The following IQCE variants were observed in gnomAD, a reference collection of about 807,000 sequenced individuals.
The protein encoded by IQCE is IQ motif containing E, also known as IQ domain-containing protein E.
IQCE carries 115 observed loss-of-function variants against 96.0 expected under a neutral mutation model. The observed-to-expected ratio is 1.20, with a 90% CI of 1.03 to 1.40. The LOEUF (loss-of-function observed/expected upper bound fraction) is 1.40. Among genes scored for constraint, IQCE ranks in the 40% most tolerant of loss-of-function variants. The pLI is 0.00. For missense variants in IQCE, 1,041 were observed against 909.1 expected, an observed-to-expected ratio of 1.15 and a Z score of -1.87; for synonymous variants, 412 against 371.2, an observed-to-expected ratio of 1.11 and a Z score of -1.26.
At chr7:2,585,363 T>C (rs1783015149) in intron 11 of IQCE, among the ~76,000 whole-genome samples, 1 of 152,204 alleles carries the variant, frequency 6.6e-6, no homozygotes, top group Admixed American at 6.5e-5. Flanking sequence ...CATCAGCTAG[T>C]CAATGTATAA....
At chr7:2,588,503 A>G (rs1293474716) in intron 13 of IQCE, among the ~76,000 whole-genome samples, 1 of 150,858 alleles carries the variant, frequency 6.6e-6, no homozygotes, top group African/African-American at 2.4e-5. Context: ...ACAGGTGCCC[A>G]CCACCACACC....
chr7:2,611,438 C>T lies in IQCE; in HGVS notation c.*1276C>T, dbSNP rs1785101470. The T allele has an allele frequency of 6.6e-6, 1 of 152,276 alleles. No individual in the cohort carries two copies. The highest frequency in any genetic ancestry group is 1.5e-5 in the Non-Finnish European group (1 of 68,082). 9.4% of individuals were successfully genotyped at this position (152,276 alleles called of 1,614,324 possible). A position where few individuals can be genotyped will look rare whatever the true frequency, so the allele number is the denominator to read the frequency against. ...AAGCCCCTTTTTACACAGCTGACAG[C>T]TTCTCCCAAGGCTTCCGTCCACGGG... is the stretch of plus-strand genomic sequence containing the variant. On this transcript the variant is annotated 3_prime_UTR_variant, in exon 22 of 22. Coordinates refer to ENST00000402050, the MANE Select transcript of IQCE (RefSeq NM_152558.5).
intron 9 of IQCE, among the ~76,000 whole-genome samples, chr7:2,582,956 C>T (rs750201694): frequency 2.0e-5 from 3 of 152,082 alleles, no homozygotes; most frequent in Admixed American, 1.3e-4. Flanking sequence ...CTGTTTTTGG[C>T]GTGGCTACTC....
At position 2,612,715 on chromosome 7, in the gene IQCE, G is replaced by A. The variant is rs1785155965; in HGVS notation, c.*2553G>A. 2.6e-5 allele frequency: 4 copies of A among 152,556 alleles called. No homozygotes were observed. In the South Asian group the frequency reaches 7.9e-4, roughly 30 times the overall value. The allele number at this position is 152,556 out of a possible 1,614,324, so 9.5% of individuals were successfully genotyped here. ...CTGTGGGCGGGGCCTAGTCACGGGA[G>A]AGGTGAGCTGTGGGCGGGGCCTAGT... On this transcript the variant is annotated 3_prime_UTR_variant, in exon 22 of 22. Transcript: ENST00000402050.
At chr7:2,584,509 A>C in intron 11 of IQCE, 1 of 558,374 alleles carries the variant, frequency 1.8e-6, no homozygotes, top group Non-Finnish European at 3.3e-6. Context: ...ACGCGTGTTC[A>C]ATGCCGCCCG....
intron 16 of IQCE, among the ~76,000 whole-genome samples, chr7:2,597,761 G>A (rs1014986670): frequency 1.3e-5 from 2 of 152,152 alleles, no homozygotes; most frequent in Non-Finnish European, 2.9e-5. Flanking sequence ...TTGACCCCTG[G>A]GCTCAAGCGA....
intron 21 of IQCE, 40 bp downstream of exon 21, chr7:2,607,267 G>A: frequency 1.9e-6 from 3 of 1,612,656 alleles, no homozygotes; most frequent in Non-Finnish European, 2.5e-6. Context: ...AGGGCAGCTG[G>A]TCTGCTGAGG....
intron 14 of IQCE, among the ~76,000 whole-genome samples, chr7:2,592,803 A>T (rs1199136376): frequency 6.6e-6 from 1 of 152,116 alleles, no homozygotes; most frequent in Non-Finnish European, 1.5e-5. Context: ...AGTCCGGTTG[A>T]TCCCCTGCAC....
intron 21 of IQCE, chr7:2,607,443 G>A (rs1784920578): frequency 2.3e-6 from 3 of 1,332,448 alleles, no homozygotes; most frequent in South Asian, 1.9e-5. Flanking sequence ...TGGAATTGCC[G>A]AGGTCCTTGC....
At chr7:2,607,708 CTTCATGTTTAAAG>C (rs1037922331) in intron 21 of IQCE, 13 of 277,058 alleles carry the variant, frequency 4.7e-5, no homozygotes, top group Non-Finnish European at 7.0e-5. Flanking sequence ...CCGTCAGTCC[CTTCATGTTTAAAG>C]TAGAGAACGG....
In IQCE at chr7:2,578,538, G is replaced by T. The variant is rs756205431; in HGVS notation, c.630+12G>T. The T allele has an allele frequency of 5.6e-6, 9 of 1,614,094 alleles. No individual in the cohort carries two copies. The highest frequency in any genetic ancestry group is 7.6e-6 in the Non-Finnish European group (9 of 1,179,942). On this transcript the variant is annotated intron_variant, in intron 8 of 21. Transcript: ENST00000402050. Reference sequence around the variant, plus strand: ...CCGATGCCAGTTGGGTGAGTATGGTGTGTGCAGGACAGAGCCTTTCCCCAG... The same window carrying T: ...CCGATGCCAGTTGGGTGAGTATGGTTTGTGCAGGACAGAGCCTTTCCCCAG...
At chr7:2,579,719 G>GTC (rs1782511066) in intron 8 of IQCE, among the ~76,000 whole-genome samples, 1 of 138,566 alleles carries the variant, frequency 7.2e-6, no homozygotes, top group African/African-American at 2.7e-5. Flanking sequence ...GTGTGTGTGT[G>GTC]TGTGTGTGTG....
chr7:2,582,367 G>A (rs115319549), intron 8 of IQCE, among the ~76,000 whole-genome samples: 2,321 of 152,276 alleles, frequency 0.015, 71 homozygotes, highest in African/African-American at 0.053. Context: ...TGCTCCAGCC[G>A]GTGTCGCACC....
At chr7:2,601,098 T>A (rs1446364948) in intron 17 of IQCE, among the ~76,000 whole-genome samples, 1 of 152,170 alleles carries the variant, frequency 6.6e-6, no homozygotes, top group East Asian at 1.9e-4. Flanking sequence ...AGCTCTCACA[T>A]TGGGCCCACA....
At chr7:2,603,429 G>T (rs532124099) in intron 18 of IQCE, among the ~76,000 whole-genome samples, 4 of 152,168 alleles carry the variant, frequency 2.6e-5, no homozygotes, top group Admixed American at 6.5e-5. Context: ...CGGGCTCCTT[G>T]TCCGATCGGC....
Position 2,594,994 on chromosome 7 carries a change from T to A in IQCE, c.1440+18T>A. Reference sequence around the variant, plus strand: ...CTCATAAGGTACAGTGACCATTCAGTTGAGTCTCCCGTCAGGTGCGGTGAG... The same window carrying A: ...CTCATAAGGTACAGTGACCATTCAGATGAGTCTCCCGTCAGGTGCGGTGAG... On this transcript the variant is annotated intron_variant, in intron 16 of 21. Transcript: ENST00000402050. 1 of 1,553,722 alleles carries A rather than the reference T, an allele frequency of 6.4e-7. No homozygotes were observed. The highest frequency in any genetic ancestry group is 8.9e-7 in the Non-Finnish European group (1 of 1,125,006).
chr7:2,611,143 C>CTGG lies in IQCE; in HGVS notation c.*981_*982insTGG, dbSNP rs55975626. 1 of 131,936 alleles carries CTGG rather than the reference C, an allele frequency of 7.6e-6. No individual in the cohort carries two copies. The highest frequency in any genetic ancestry group is 2.7e-5 in the African/African-American group (1 of 37,182). 8.2% of individuals were successfully genotyped at this position (131,936 alleles called of 1,614,324 possible). On this transcript the variant is annotated 3_prime_UTR_variant, in exon 22 of 22. Coordinates refer to ENST00000402050, the MANE Select transcript of IQCE (RefSeq NM_152558.5). ...CTGGGCTGGGCTGGGCTGGGCTGGG[C>CTGG]CGGGCGTGCGGAGCCTGTGGAGCCA...
At chr7:2,587,785 C>T in intron 12 of IQCE, 37 bp from the exon 13 acceptor site, 1 of 1,608,920 alleles carries the variant, frequency 6.2e-7, no homozygotes, top group Non-Finnish European at 8.5e-7. Flanking sequence ...GCAGTGCCCA[C>T]CAGGATGCCG....
intron 11 of IQCE, among the ~76,000 whole-genome samples, chr7:2,584,884 C>T (rs1583451500): frequency 1.3e-5 from 2 of 152,128 alleles, no homozygotes; most frequent in African/African-American, 2.4e-5. Context: ...TAACTACAGT[C>T]GATTCTCATT....
Sources: allele counts gnomAD v4.1 joint callset (sites outside exome capture counted in the v4.1 genomes callset), GRCh38; gene constraint gnomAD v4.1.1; transcripts MANE v1.5; gene names NCBI Gene and HGNC (gene_info 2026-07-23, HGNC 2026-07-21).